The following DSCAML1 variants were observed in gnomAD, a reference collection of about 807,000 sequenced individuals.
The protein encoded by DSCAML1 is DS cell adhesion molecule like 1.
A neutral mutation model predicts 200.5 loss-of-function variants in DSCAML1; 38 were observed. That is an observed-to-expected ratio of 0.19 (90% confidence interval 0.15 to 0.25). DSCAML1 has a LOEUF of 0.25. DSCAML1 is among the 10% of genes least tolerant of loss of function. The pLI, the probability that DSCAML1 is intolerant of heterozygous loss-of-function variation, is 1.00. For missense variants in DSCAML1, 2,223 were observed against 2,858.8 expected (o/e 0.78, Z 5.07); for synonymous variants, 1,215 against 1,165.0 (o/e 1.04, Z -0.87).
At chr11:117,802,908 A>G (rs975220292) in intron 1 of DSCAML1, among the ~76,000 whole-genome samples, 1 of 152,216 alleles carries the variant, frequency 6.6e-6, no homozygotes, top group Non-Finnish European at 1.5e-5. Flanking sequence ...ATACCATGAC[A>G]CTTACACAGC....
Position 117,489,456 on chromosome 11 carries a change from G to C in DSCAML1, c.2360-7294C>G, listed in dbSNP as rs930312806. The stretch of plus-strand genomic sequence containing the variant: ...GGAAATCTGATTTCTCTTTACAAAC[G>C]GGTGCAGGGGAGACTTTCTGGGGAC... On this transcript the variant is annotated intron_variant, in intron 11 of 32. Coordinates refer to ENST00000651296, the MANE Select transcript of DSCAML1 (RefSeq NM_020693.4). The surrounding 1 kb of genome is among the most constrained non-coding windows in gnomAD (Gnocchi z 4.8). Among the ~76,000 whole-genome samples, 3 of 152,170 alleles carry C rather than the reference G, an allele frequency of 2.0e-5. No homozygotes were observed. The highest frequency in any genetic ancestry group is 4.4e-5 in the Non-Finnish European group (3 of 68,030).
At chr11:117,654,747 T>G (rs1371644577) in intron 3 of DSCAML1, among the ~76,000 whole-genome samples, 1 of 152,146 alleles carries the variant, frequency 6.6e-6, no homozygotes, top group Non-Finnish European at 1.5e-5. Context: ...TAGGACGGCC[T>G]TGTTCTCACC....
At chr11:117,460,803 C>T (rs1398177849) in intron 18 of DSCAML1, among the ~76,000 whole-genome samples, 2 of 152,142 alleles carry the variant, frequency 1.3e-5, no homozygotes, top group Non-Finnish European at 2.9e-5. Flanking sequence ...GGATCCCGGG[C>T]GGCTTGTCTG....
rs150923350 is a variant in DSCAML1, at chr11:117,721,367, TCA to T, written c.511+55422_511+55423del. Among the ~76,000 whole-genome samples the T allele has an allele frequency of 7.7e-3, 1,171 of 152,312 alleles. 6 individuals carry two copies. Among genetic ancestry groups the T allele is most frequent in the Non-Finnish European group, 0.012 (815 of 68,026 alleles). ...GTTTAAGTCCAACCCTGTTCATATG[TCA>T]CTCTCCAGGTGCCAAGGGTAATAGT... On this transcript the variant is annotated intron_variant, in intron 3 of 32. Transcript: ENST00000651296.
intron 3 of DSCAML1, among the ~76,000 whole-genome samples, chr11:117,615,293 G>T (rs2051789523): frequency 6.6e-6 from 1 of 152,202 alleles, no homozygotes; most frequent in Non-Finnish European, 1.5e-5. Context: ...GAGGAAGAGG[G>T]GTTGGCCTGA....
chr11:117,632,340 G>A (rs1167169716), intron 3 of DSCAML1, among the ~76,000 whole-genome samples: 1 of 152,156 alleles, frequency 6.6e-6, no homozygotes, highest in African/African-American at 2.4e-5. Context: ...GCTGGTTTTG[G>A]TGAGCAAGAA....
At chr11:117,509,702 TC>T (rs946196285) in intron 8 of DSCAML1, among the ~76,000 whole-genome samples, 3 of 152,192 alleles carry the variant, frequency 2.0e-5, no homozygotes, top group African/African-American at 7.2e-5. Context: ...TACATGGCTG[TC>T]CAAATGGGGC....
At chr11:117,670,519 G>C (rs1183370913) in intron 3 of DSCAML1, among the ~76,000 whole-genome samples, 3 of 152,058 alleles carry the variant, frequency 2.0e-5, no homozygotes, top group African/African-American at 7.2e-5. Context: ...GGAGACCCTT[G>C]GAAGGTTTTG....
intron 3 of DSCAML1, among the ~76,000 whole-genome samples, chr11:117,753,034 G>A (rs897881912): frequency 2.0e-4 from 31 of 151,890 alleles, no homozygotes; most frequent in Non-Finnish European, 4.1e-4. Context: ...GTAACTGCAC[G>A]GACTTGGAGG....
At chr11:117,494,775 CAT>C (rs2049258135) in intron 11 of DSCAML1, among the ~76,000 whole-genome samples, 1 of 152,112 alleles carries the variant, frequency 6.6e-6, no homozygotes, top group African/African-American at 2.4e-5. Context: ...AAGAGACCCA[CAT>C]AGAGGGAAGA....
rs1256448158 is a variant in DSCAML1 at position 117,617,692 on chromosome 11, A to G, written c.512-85170T>C. On this transcript the variant is annotated intron_variant, in intron 3 of 32. Transcript: ENST00000651296. ...CACACAGGTACACGCACACACACAC[A>G]CACACACACACACACACACACACAC... Among the ~76,000 whole-genome samples the G allele has an allele frequency of 2.4e-4, 19 of 79,392 alleles. 1 individual carries two copies. In the East Asian group the frequency reaches 3.1e-3, roughly 13 times the overall value. The allele number at this position is 79,392 out of a possible 152,430, so 52.1% of individuals were successfully genotyped here.
intron 11 of DSCAML1, among the ~76,000 whole-genome samples, chr11:117,496,902 T>C (rs546453696): frequency 1.3e-5 from 2 of 152,342 alleles, no homozygotes; most frequent in African/African-American, 4.8e-5. Flanking sequence ...CTTGAAACTT[T>C]TGTACAAACG....
intron 3 of DSCAML1, among the ~76,000 whole-genome samples, chr11:117,720,992 A>G (rs1437634212): frequency 6.6e-6 from 1 of 152,156 alleles, no homozygotes; most frequent in African/African-American, 2.4e-5. Flanking sequence ...ATCTTGTTAC[A>G]TTTTCATCCT....
chr11:117,695,315 C>CTTTTTTTTTTTTTTTTTTTTTTTT (rs753748981), intron 3 of DSCAML1, among the ~76,000 whole-genome samples: 8 of 116,700 alleles, frequency 6.9e-5, no homozygotes, highest in African/African-American at 1.3e-4. Flanking sequence ...CTTTCTTTTT[C>CTTTTTTTTTTTTTTTTTTTTTTTT]TTTTTTTTTT....
At chr11:117,816,785 A>G (rs2055811940) in intron 1 of DSCAML1, among the ~76,000 whole-genome samples, 1 of 127,372 alleles carries the variant, frequency 7.9e-6, no homozygotes, top group African/African-American at 2.8e-5. Context: ...CAAGAGAGAG[A>G]GTTCGGAATT....
Position 117,504,214 on chromosome 11 carries a change from C to A in DSCAML1, c.2183-193G>T, listed in dbSNP as rs186723359. 1.4e-3 allele frequency among the ~76,000 whole-genome samples: 209 copies of A among 152,324 alleles called. 1 individual carries two copies. The highest frequency in any genetic ancestry group is 2.4e-3 in the Non-Finnish European group (160 of 68,018). Reference sequence around the variant, plus strand: ...AAAGACCCCCCCACCAGAGGACTGGCCTTGCCCCAGCTCTGATGCAAGGAG... The same window carrying A: ...AAAGACCCCCCCACCAGAGGACTGGACTTGCCCCAGCTCTGATGCAAGGAG... On this transcript the variant is annotated intron_variant, in intron 10 of 32. Transcript: ENST00000651296. This position sits in a 1 kb window ranked among gnomAD's most constrained non-coding sequence, Gnocchi z 5.0.
chr11:117,775,531 G>A (rs1373556309), intron 3 of DSCAML1, among the ~76,000 whole-genome samples: 1 of 152,044 alleles, frequency 6.6e-6, no homozygotes, highest in East Asian at 1.9e-4. Flanking sequence ...GAGATATAAT[G>A]GCCTGGCCAT....
intron 19 of DSCAML1, among the ~76,000 whole-genome samples, chr11:117,455,408 C>G (rs1044671074): frequency 6.6e-5 from 10 of 152,182 alleles, no homozygotes; most frequent in African/African-American, 2.4e-4. Context: ...CTAGTCATGC[C>G]TCTTCCTCAG....
intron 11 of DSCAML1, among the ~76,000 whole-genome samples, chr11:117,495,792 C>T (rs1164032667): frequency 2.6e-5 from 4 of 152,214 alleles, no homozygotes; most frequent in African/African-American, 9.7e-5. Flanking sequence ...CTCCCAGCTC[C>T]TCTGTCCCAT....
Sources: gnomAD v4.1 joint callset for allele counts (sites outside exome capture counted in the v4.1 genomes callset) on GRCh38, gnomAD v4.1.1 for gene constraint, Gnocchi (gnomAD v3.1) non-coding constraint, MANE v1.5 for transcripts, NCBI Gene and HGNC (gene_info 2026-07-23, HGNC 2026-07-21) for gene names.